The following FHOD3 variants were observed in gnomAD, a reference collection of about 807,000 sequenced individuals.
FHOD3 encodes FH1/FH2 domain-containing protein 3.
In FHOD3, 90 loss-of-function variants were observed where a neutral mutation model predicts 173.0. The ratio of observed to expected loss-of-function variants is 0.52; its 90% CI spans 0.44 to 0.62. The LOEUF (loss-of-function observed/expected upper bound fraction) is 0.62. Ranked by LOEUF, FHOD3 falls within the 20% of genes least tolerant of loss-of-function variation. The pLI is 0.00. For synonymous variants in FHOD3, 828 were observed against 823.0 expected (o/e 1.01, Z -0.10); for missense variants, 1,945 against 2,034.7 (o/e 0.96, Z 0.85).
At position 36,648,415 on chromosome 18, in the gene FHOD3, AAG is replaced by A. The variant is rs368957574; in HGVS notation, c.1197-897_1197-896del. Among the ~76,000 whole-genome samples the A allele has an allele frequency of 8.5e-5, 13 of 152,312 alleles. No individual in the cohort carries two copies. In the East Asian group the frequency reaches 1.9e-3, roughly 23 times the overall value. On this transcript the variant is annotated intron_variant, in intron 10 of 28. Transcript: ENST00000590592. ...GTTGACAGGACTTAGAGACCAGAGA[AAG>A]AGAATGTCCCAGTTTTTAAAGTTTT...
At chr18:36,711,641 C>T (rs1462411459) in intron 18 of FHOD3, among the ~76,000 whole-genome samples, 1 of 152,128 alleles carries the variant, frequency 6.6e-6, no homozygotes, top group African/African-American at 2.4e-5. Context: ...CTCCTGGGTC[C>T]TCCCTCTTAC....
intron 19 of FHOD3, among the ~76,000 whole-genome samples, chr18:36,723,035 G>T (rs1568674815): frequency 6.6e-6 from 1 of 152,180 alleles, no homozygotes; most frequent in Non-Finnish European, 1.5e-5. Flanking sequence ...TCTGGTGTGT[G>T]CCTGCTGGTC....
At chr18:36,664,461 G>A (rs1403040048) in intron 14 of FHOD3, among the ~76,000 whole-genome samples, 1 of 152,154 alleles carries the variant, frequency 6.6e-6, no homozygotes, top group Non-Finnish European at 1.5e-5. Context: ...TTAATTGATT[G>A]CGTTACATCC....
chr18:36,684,628 C>A (rs1361052498), intron 15 of FHOD3, among the ~76,000 whole-genome samples: 2 of 151,928 alleles, frequency 1.3e-5, no homozygotes, highest in Non-Finnish European at 2.9e-5. Flanking sequence ...TATGAGTGAA[C>A]CTGAAGATAG....
chr18:36,641,386 A>T (rs2035295632), intron 10 of FHOD3, among the ~76,000 whole-genome samples: 1 of 152,198 alleles, frequency 6.6e-6, no homozygotes, highest in Admixed American at 6.5e-5. Context: ...CAGCTAGGCA[A>T]ACTAGACTTG....
chr18:36,332,937 C>T (rs1164306244), intron 1 of FHOD3, among the ~76,000 whole-genome samples: 1 of 152,260 alleles, frequency 6.6e-6, no homozygotes, highest in African/African-American at 2.4e-5. Context: ...TTGAGCCAGA[C>T]TCTGCCTGCT....
intron 3 of FHOD3, among the ~76,000 whole-genome samples, chr18:36,434,846 T>C (rs1417550063): frequency 6.6e-6 from 1 of 152,066 alleles, no homozygotes; most frequent in Admixed American, 6.5e-5. Flanking sequence ...ATTTTATTGC[T>C]CATATATAGA....
intron 1 of FHOD3, among the ~76,000 whole-genome samples, chr18:36,338,265 G>A (rs1332057621): frequency 6.6e-6 from 1 of 152,210 alleles, no homozygotes; most frequent in Non-Finnish European, 1.5e-5. Flanking sequence ...AGCTAGGCAG[G>A]CAGGTGGCTC....
chr18:36,597,904 T>C lies in FHOD3; in HGVS notation c.718+3006T>C, dbSNP rs576721795. On this transcript the variant is annotated intron_variant, in intron 7 of 28. Transcript: ENST00000590592. ...GTTTCTTTATGGACATGTGTGGTCTTGGCTGTGATTTTATAATGCATACAT... is the reference window on the plus strand; with the variant it reads ...GTTTCTTTATGGACATGTGTGGTCTCGGCTGTGATTTTATAATGCATACAT... 1.4e-3 allele frequency among the ~76,000 whole-genome samples: 206 copies of C among 152,346 alleles called. 1 individual carries two copies. Among genetic ancestry groups the C allele is most frequent in the Non-Finnish European group, 2.1e-3 (145 of 68,032 alleles).
At chr18:36,762,269 T>A (rs1206646777) in intron 27 of FHOD3, among the ~76,000 whole-genome samples, 1 of 152,200 alleles carries the variant, frequency 6.6e-6, no homozygotes, top group African/African-American at 2.4e-5. Flanking sequence ...TGTGGCTGAT[T>A]GTAGTTTCCT....
At chr18:36,461,318 C>T (rs1266479601) in intron 3 of FHOD3, among the ~76,000 whole-genome samples, 1 of 152,156 alleles carries the variant, frequency 6.6e-6, no homozygotes, top group Non-Finnish European at 1.5e-5. Context: ...ATGGTAGGCA[C>T]ACACCTGAAG....
chr18:36,719,376 A>G (rs1326646846), intron 19 of FHOD3, among the ~76,000 whole-genome samples: 2 of 151,992 alleles, frequency 1.3e-5, no homozygotes, highest in Non-Finnish European at 2.9e-5. Context: ...AACACTGTAC[A>G]TAAAGTTATT....
chr18:36,509,722 A>G (rs1214528877), intron 4 of FHOD3, among the ~76,000 whole-genome samples: 2 of 152,210 alleles, frequency 1.3e-5, no homozygotes, highest in Middle Eastern at 3.2e-3. Context: ...TGTCTTTTGT[A>G]TATGTTTAAA....
intron 18 of FHOD3, among the ~76,000 whole-genome samples, chr18:36,713,583 G>A (rs552394428): frequency 2.8e-4 from 43 of 152,246 alleles, no homozygotes; most frequent in Non-Finnish European, 4.4e-4. Flanking sequence ...AAGATGTAGC[G>A]TTCTATAGGA....
chr18:36,473,435 C>G (rs191779675), intron 3 of FHOD3, among the ~76,000 whole-genome samples: 40 of 152,282 alleles, frequency 2.6e-4, no homozygotes, highest in Admixed American at 7.8e-4. Context: ...CGAAATGCAG[C>G]ACCTGAGACC....
Position 36,709,337 on chromosome 18 carries a change from A to G in FHOD3, c.2479A>G (p.Ser827Gly), listed in dbSNP as rs1349882045. The G allele has an allele frequency of 1.9e-6, 3 of 1,614,262 alleles. No individual in the cohort carries two copies. The Admixed American group carries it at 5.0e-5, about 27-fold the overall frequency. ...CSASSVSSSS[S>G]TLEREEKEDK... Reference sequence around the variant, plus strand: ...TGCCTCCAGCGTCTCGTCCTCCAGCAGCACGTTGGAGAGGGAGGAGAAGGA... The same window carrying G: ...TGCCTCCAGCGTCTCGTCCTCCAGCGGCACGTTGGAGAGGGAGGAGAAGGA... The change falls in exon 18 of 29, where the codon AGC becomes GGC. Residue 827 changes from serine (S) to glycine (G), a missense_variant. By Grantham distance (56) the Ser-to-Gly change is moderately conservative. This residue lies in a region of FHOD3 where 1,099 missense variants were observed against 1,051.2 expected (regional missense o/e 1.05). Transcript: ENST00000590592.
chr18:36,691,767 C>G (rs113692637), intron 16 of FHOD3, among the ~76,000 whole-genome samples: 3 of 152,386 alleles, frequency 2.0e-5, no homozygotes, highest in Admixed American at 6.5e-5. Context: ...AGGTGGACCT[C>G]TGCAGGTGGG....
chr18:36,561,105 T>C (rs1174229041), intron 5 of FHOD3, among the ~76,000 whole-genome samples: 2 of 152,198 alleles, frequency 1.3e-5, no homozygotes, highest in African/African-American at 2.4e-5. Context: ...TTCTAGCTCC[T>C]ATTAAGAATT....
intron 17 of FHOD3, among the ~76,000 whole-genome samples, chr18:36,698,293 C>T (rs960831838): frequency 6.6e-6 from 1 of 152,208 alleles, no homozygotes; most frequent in Non-Finnish European, 1.5e-5. Context: ...AGTTTTTCTG[C>T]CTTGCCATTT....
Sources: gnomAD v4.1 joint callset for allele counts (sites outside exome capture counted in the v4.1 genomes callset) on GRCh38, gnomAD v4.1.1 for gene constraint, gnomAD v4.1.1 regional missense constraint, MANE v1.5 for transcripts, NCBI Gene and HGNC (gene_info 2026-07-23, HGNC 2026-07-21) for gene names.